BMPR1A: variants seen among roughly 807,000 people sequenced by gnomAD.
BMPR1A encodes bone morphogenetic protein receptor type-1A.
In BMPR1A, 7 loss-of-function variants were observed where a neutral mutation model predicts 66.0. The ratio of observed to expected loss-of-function variants is 0.11; its 90% CI spans 0.06 to 0.20. The LOEUF (loss-of-function observed/expected upper bound fraction) is 0.20, where lower values mean the gene tolerates loss of function less well. Ranked by LOEUF, BMPR1A falls within the 10% of genes least tolerant of loss-of-function variation. BMPR1A has a pLI of 1.00. For synonymous variants in BMPR1A, 200 were observed against 229.7 expected, an observed-to-expected ratio of 0.87 and a Z score of 1.17; for missense variants, 408 against 669.1, an observed-to-expected ratio of 0.61 and a Z score of 4.31.
intron 11 of BMPR1A, among the ~76,000 whole-genome samples, chr10:86,923,146 C>T (rs1032656133): frequency 3.9e-5 from 6 of 151,934 alleles, no homozygotes; most frequent in South Asian, 2.1e-4. Context: ...TGCCCTTTGT[C>T]GATGGACTCT....
intron 7 of BMPR1A, among the ~76,000 whole-genome samples, chr10:86,906,964 C>G (rs951084491): frequency 4.0e-5 from 6 of 151,774 alleles, no homozygotes; most frequent in Admixed American, 1.3e-4. Flanking sequence ...TCCATCTGAG[C>G]TGTGTATTGT....
intron 1 of BMPR1A, among the ~76,000 whole-genome samples, chr10:86,760,186 C>G (rs1020927492): frequency 4.4e-5 from 3 of 67,508 alleles, no homozygotes; most frequent in African/African-American, 1.5e-4. Flanking sequence ...TCAGATTTAC[C>G]TGTTTTTTTT....
At chr10:86,897,375 G>A (rs529185378) in intron 5 of BMPR1A, among the ~76,000 whole-genome samples, 2 of 152,274 alleles carry the variant, frequency 1.3e-5, no homozygotes, top group Admixed American at 6.5e-5. Flanking sequence ...TGCCTACCCA[G>A]ATACATAGTT....
intron 1 of BMPR1A, among the ~76,000 whole-genome samples, chr10:86,822,923 C>T (rs1842142426): frequency 6.6e-6 from 1 of 152,108 alleles, no homozygotes; most frequent in East Asian, 1.9e-4. Context: ...AGCCACTGTG[C>T]CGGCCTGAGC....
At chr10:86,796,720 C>T (rs1043109795) in intron 1 of BMPR1A, among the ~76,000 whole-genome samples, 23 of 151,564 alleles carry the variant, frequency 1.5e-4, no homozygotes, top group Non-Finnish European at 3.1e-4. Context: ...GGGACCAGCT[C>T]ACGCTACCAC....
chr10:86,772,638 T>C (rs1404832880), intron 1 of BMPR1A, among the ~76,000 whole-genome samples: 2 of 152,158 alleles, frequency 1.3e-5, no homozygotes, highest in Admixed American at 6.5e-5. Context: ...TGGAGTCAGA[T>C]TGAGAAATGA....
intron 1 of BMPR1A, among the ~76,000 whole-genome samples, chr10:86,827,327 G>A (rs1214280693): frequency 6.6e-6 from 1 of 151,558 alleles, no homozygotes; most frequent in African/African-American, 2.4e-5. Flanking sequence ...ATTTTGAGAT[G>A]TCATTTATGT....
At position 86,809,101 on chromosome 10, in the gene BMPR1A, C is replaced by G. The variant is rs577464537; in HGVS notation, c.-267-29764C>G. Among the ~76,000 whole-genome samples the G allele has an allele frequency of 2.0e-5, 3 of 151,268 alleles. No individual in the cohort carries two copies. The East Asian group carries it at 5.8e-4, about 29-fold the overall frequency. On this transcript the variant is annotated intron_variant, in intron 1 of 12. Coordinates refer to ENST00000372037, the MANE Select transcript of BMPR1A (RefSeq NM_004329.3). Reference sequence around the variant, plus strand: ...AATCTCATTTCAGTGATAGGGAAGGCAAAAAAAATCAGTCTCCTGACTTTT... The same window carrying G: ...AATCTCATTTCAGTGATAGGGAAGGGAAAAAAAATCAGTCTCCTGACTTTT...
intron 2 of BMPR1A, chr10:86,855,701 G>C: frequency 1.3e-6 from 1 of 747,760 alleles, no homozygotes; most frequent in Non-Finnish European, 2.3e-6. Context: ...ATCCACTACT[G>C]TCTGTTCTTT....
chr10:86,868,778 G>GTTTTTTTTTT (rs55872033), intron 2 of BMPR1A, among the ~76,000 whole-genome samples: 8 of 141,064 alleles, frequency 5.7e-5, no homozygotes, highest in African/African-American at 1.6e-4. Flanking sequence ...CTTTTCCTGT[G>GTTTTTTTTTT]TTTTTTTTTT....
intron 2 of BMPR1A, among the ~76,000 whole-genome samples, chr10:86,863,708 T>C (rs560506806): frequency 8.0e-4 from 122 of 152,316 alleles, no homozygotes; most frequent in African/African-American, 2.9e-3. Context: ...ACTTTGTCAC[T>C]GCAGGGTCAG....
At chr10:86,764,098 A>G (rs916566923) in intron 1 of BMPR1A, among the ~76,000 whole-genome samples, 1 of 152,116 alleles carries the variant, frequency 6.6e-6, no homozygotes, top group Non-Finnish European at 1.5e-5. Flanking sequence ...GCTGACTTGG[A>G]TAGTTTTGAT....
At chr10:86,822,741 A>T (rs1222658932) in intron 1 of BMPR1A, among the ~76,000 whole-genome samples, 2 of 151,752 alleles carry the variant, frequency 1.3e-5, no homozygotes, top group African/African-American at 4.8e-5. Context: ...GGTTCAAGTG[A>T]TTCTTTGCCT....
At position 86,790,189 on chromosome 10, in the gene BMPR1A, ATATATATATATATATATATATATAT is replaced by A. The variant is rs1270779893; in HGVS notation, c.-268+33271_-268+33295del. 3.3e-3 allele frequency among the ~76,000 whole-genome samples: 43 copies of A among 13,198 alleles called. 7 individuals carry two copies. The highest frequency in any genetic ancestry group is 4.3e-3 in the South Asian group (1 of 234). 8.7% of individuals were successfully genotyped at this position (13,198 alleles called of 152,430 possible). On this transcript the variant is annotated intron_variant, in intron 1 of 12. Transcript: ENST00000372037. ...AAAAAAAAAAAAAAAAAAAAAAAAA[ATATATATATATATATATATATATAT>A]ATATATATATATATATATATATCAA...
At chr10:86,835,613 A>G (rs1842336203) in intron 1 of BMPR1A, among the ~76,000 whole-genome samples, 1 of 148,560 alleles carries the variant, frequency 6.7e-6, no homozygotes, top group Non-Finnish European at 1.5e-5. Flanking sequence ...GATTGAGTAA[A>G]AGAATATTTA....
At chr10:86,755,970 G>C (rs756360162), upstream of BMPR1A, 4 of 152,368 alleles carry the variant, frequency 2.6e-5, no homozygotes, top group South Asian at 8.3e-4. Flanking sequence ...AGCGGTGGGT[G>C]GGCGAGAAAC....
intron 7 of BMPR1A, among the ~76,000 whole-genome samples, chr10:86,907,177 T>C (rs370684407): frequency 6.6e-6 from 1 of 152,266 alleles, no homozygotes; most frequent in Non-Finnish European, 1.5e-5. Context: ...GGCCTCTTGA[T>C]TGCCTGCCCT....
chr10:86,777,214 T>C lies in BMPR1A; in HGVS notation c.-268+20295T>C, dbSNP rs1251666930. 3.3e-5 allele frequency among the ~76,000 whole-genome samples: 5 copies of C among 152,214 alleles called. 1 individual carries two copies. Among genetic ancestry groups the C allele is most frequent in the Admixed American group, 3.3e-4 (5 of 15,284 alleles). On this transcript the variant is annotated intron_variant, in intron 1 of 12. Coordinates refer to ENST00000372037, the MANE Select transcript of BMPR1A (RefSeq NM_004329.3). The stretch of plus-strand genomic sequence containing the variant: ...TAATAGAGAAACCCCAGTTTCTCTA[T>C]TAAGAACCGCAGTTGGTTAAATCCA...
At chr10:86,793,664 T>A (rs1320662084) in intron 1 of BMPR1A, among the ~76,000 whole-genome samples, 3 of 152,174 alleles carry the variant, frequency 2.0e-5, no homozygotes, top group Admixed American at 6.5e-5. Context: ...ATAGTTTTTT[T>A]AGATGGTGTA....
Sources: gnomAD v4.1 joint callset for allele counts (sites outside exome capture counted in the v4.1 genomes callset) on GRCh38, gnomAD v4.1.1 for gene constraint, MANE v1.5 for transcripts, NCBI Gene and HGNC (gene_info 2026-07-23, HGNC 2026-07-21) for gene names.